CTNNA3: variants seen among roughly 807,000 people sequenced by gnomAD.
CTNNA3 encodes catenin alpha 3, also known as catenin alpha-3.
A neutral mutation model predicts 95.7 loss-of-function variants in CTNNA3; 76 were observed. The observed-to-expected ratio is 0.79, with a 90% confidence interval of 0.66 to 0.96. The LOEUF is 0.96. Ranked by LOEUF, CTNNA3 falls within the 40% of genes least tolerant of loss-of-function variation. The pLI is 0.00. For synonymous variants in CTNNA3, 431 were observed against 374.4 expected (o/e 1.15, Z -1.74); for missense variants, 1,191 against 1,089.8 (o/e 1.09, Z -1.31).
intron 17 of CTNNA3, among the ~76,000 whole-genome samples, chr10:65,957,560 C>G (rs2077757739): frequency 6.6e-6 from 1 of 152,136 alleles, no homozygotes; most frequent in African/African-American, 2.4e-5. Flanking sequence ...GTGCTTCCTT[C>G]AGGAGCTCTT....
chr10:67,252,522 A>C (rs1866152417), intron 5 of CTNNA3, among the ~76,000 whole-genome samples: 1 of 152,232 alleles, frequency 6.6e-6, no homozygotes, highest in African/African-American at 2.4e-5. Context: ...CACTGTAATA[A>C]AACTTATGTG....
chr10:66,247,173 GC>G (rs2090366858), intron 13 of CTNNA3, among the ~76,000 whole-genome samples: 2 of 152,142 alleles, frequency 1.3e-5, no homozygotes, highest in Admixed American at 6.5e-5. Context: ...CTAGAAAGTA[GC>G]CTCCAAAGGC....
chr10:66,475,386 G>A (rs962216858), intron 11 of CTNNA3, among the ~76,000 whole-genome samples: 5 of 151,992 alleles, frequency 3.3e-5, no homozygotes, highest in African/African-American at 1.2e-4. Flanking sequence ...ATTTGTTTAA[G>A]TTTCGTATAG....
intron 5 of CTNNA3, among the ~76,000 whole-genome samples, chr10:67,293,530 A>T (rs1362081812): frequency 1.3e-5 from 2 of 151,986 alleles, no homozygotes; most frequent in African/African-American, 4.8e-5. Context: ...TATTTTTTTT[A>T]TTATACTTTA....
chr10:66,581,267 T>G (rs1843178540), intron 10 of CTNNA3, among the ~76,000 whole-genome samples: 1 of 151,828 alleles, frequency 6.6e-6, no homozygotes, highest in Admixed American at 6.6e-5. Flanking sequence ...TACCCAGTAG[T>G]GAGATTCCTG....
chr10:66,931,990 T>A (rs1217165846), intron 7 of CTNNA3, among the ~76,000 whole-genome samples: 2 of 152,250 alleles, frequency 1.3e-5, no homozygotes, highest in South Asian at 4.1e-4. Context: ...CATCAGTCAT[T>A]TACTGGTCAG....
intron 1 of CTNNA3, chr10:67,750,455 G>A (rs1056388383): frequency 1.3e-6 from 2 of 1,508,712 alleles, no homozygotes; most frequent in Non-Finnish European, 9.2e-7. Context: ...GGTGGGGGAA[G>A]CCATCCAAGA....
chr10:66,734,985 A>C (rs573089524), intron 9 of CTNNA3, among the ~76,000 whole-genome samples: 1 of 151,660 alleles, frequency 6.6e-6, no homozygotes, highest in African/African-American at 2.4e-5. Flanking sequence ...TTTATAGATA[A>C]GATGTTCAAT....
At chr10:66,244,372 C>T (rs1272257658) in intron 13 of CTNNA3, among the ~76,000 whole-genome samples, 1 of 152,180 alleles carries the variant, frequency 6.6e-6, no homozygotes, top group Non-Finnish European at 1.5e-5. Context: ...CACTGGCTGA[C>T]TGTAGAGCCC....
At chr10:66,942,433 C>G (rs1848045818) in intron 7 of CTNNA3, among the ~76,000 whole-genome samples, 1 of 152,108 alleles carries the variant, frequency 6.6e-6, no homozygotes, top group East Asian at 1.9e-4. Flanking sequence ...CAGAAAAATT[C>G]TGTTGTTAGT....
In CTNNA3 at chr10:67,296,751, T is replaced by C. The variant is rs528271344; in HGVS notation, c.580-76881A>G. 2.0e-5 allele frequency among the ~76,000 whole-genome samples: 3 copies of C among 151,936 alleles called. No individual in the cohort carries two copies. In the South Asian group the frequency reaches 6.2e-4, roughly 32 times the overall value. ...GAGTTCAAGACCAGCCTGGCCAATG[T>C]GGTGAAACCCCGTCTTTACTAAAAA... On this transcript the variant is annotated intron_variant, in intron 5 of 17. Transcript: ENST00000433211.
chr10:66,737,513 T>C (rs1016560921), intron 9 of CTNNA3, among the ~76,000 whole-genome samples: 4 of 152,228 alleles, frequency 2.6e-5, no homozygotes, highest in East Asian at 1.9e-4. Context: ...TTGAATCCTT[T>C]ACAATTTCAA....
At chr10:66,752,568 A>G (rs1226815956) in intron 9 of CTNNA3, among the ~76,000 whole-genome samples, 12 of 152,120 alleles carry the variant, frequency 7.9e-5, no homozygotes. Flanking sequence ...TATATAGTAA[A>G]TTTAATAAGT....
At chr10:66,533,922 AT>A (rs1841557681) in intron 10 of CTNNA3, among the ~76,000 whole-genome samples, 1 of 152,104 alleles carries the variant, frequency 6.6e-6, no homozygotes, top group African/African-American at 2.4e-5. Context: ...GAGTTAAAAA[AT>A]TTTTTAATGT....
rs1589277881 is a variant in CTNNA3 at position 67,425,692 on chromosome 10, G to A, written c.579+96150C>T. Among the ~76,000 whole-genome samples, 3 of 152,108 alleles carry A rather than the reference G, an allele frequency of 2.0e-5. No homozygotes were observed. In the East Asian group the frequency reaches 5.8e-4, roughly 29 times the overall value. ...AAGTGCCCAAATGGTGCAAAATCTC[G>A]AAGCTGATATCACTCACTCCATAAT... On this transcript the variant is annotated intron_variant, in intron 5 of 17. Coordinates refer to ENST00000433211, the MANE Select transcript of CTNNA3 (RefSeq NM_013266.4).
chr10:67,358,634 T>C (rs954100842), intron 5 of CTNNA3, among the ~76,000 whole-genome samples: 1 of 152,088 alleles, frequency 6.6e-6, no homozygotes, highest in African/African-American at 2.4e-5. Flanking sequence ...AGGTATCTTC[T>C]ACACTTGACC....
At chr10:66,654,309 C>A (rs1010934597) in intron 9 of CTNNA3, among the ~76,000 whole-genome samples, 5 of 152,018 alleles carry the variant, frequency 3.3e-5, no homozygotes, top group Non-Finnish European at 7.4e-5. Flanking sequence ...ATAAACATTT[C>A]TCCAAAGAAG....
At chr10:67,663,315 AATTTC>A (rs199740579) in intron 1 of CTNNA3, among the ~76,000 whole-genome samples, 8 of 151,740 alleles carry the variant, frequency 5.3e-5, no homozygotes, top group Admixed American at 4.6e-4. Context: ...TTTAAAAAAA[AATTTC>A]TTTTTATTTT....
chr10:67,406,191 C>A (rs939046830), intron 5 of CTNNA3, among the ~76,000 whole-genome samples: 1 of 152,288 alleles, frequency 6.6e-6, no homozygotes, highest in African/African-American at 2.4e-5. Flanking sequence ...GAGGCCTCCC[C>A]AGCCATGTGG....
Sources: gnomAD v4.1 joint callset for allele counts (sites outside exome capture counted in the v4.1 genomes callset) on GRCh38, gnomAD v4.1.1 for gene constraint, MANE v1.5 for transcripts, NCBI Gene and HGNC (gene_info 2026-07-23, HGNC 2026-07-21) for gene names.